Variants in GRK5 observed in about 807,000 individuals in gnomAD.
The protein encoded by GRK5 is g protein-coupled receptor kinase GRK5.
In GRK5, 40 loss-of-function variants were observed where a neutral mutation model predicts 78.4. The observed-to-expected ratio is 0.51, with a 90% CI of 0.40 to 0.66. The LOEUF is 0.66. Ranked by LOEUF, GRK5 falls within the 30% of genes least tolerant of loss-of-function variation. The pLI, the probability that GRK5 is intolerant of heterozygous loss-of-function variation, is 0.00. For missense variants in GRK5, 598 were observed against 759.9 expected, an observed-to-expected ratio of 0.79 and a Z score of 2.50; for synonymous variants, 289 against 296.8, an observed-to-expected ratio of 0.97 and a Z score of 0.27.
chr10:119,374,767 T>C (rs906746074), intron 2 of GRK5, among the ~76,000 whole-genome samples: 1 of 110,168 alleles, frequency 9.1e-6, no homozygotes, highest in Non-Finnish European at 1.9e-5. Context: ...GTTTGGGTCA[T>C]GAGGGCATTG....
At chr10:119,440,810 C>T (rs1853017415) in intron 10 of GRK5, among the ~76,000 whole-genome samples, 1 of 152,150 alleles carries the variant, frequency 6.6e-6, no homozygotes, top group Non-Finnish European at 1.5e-5. Context: ...CTTGGCCTCC[C>T]TATGTGCTGG....
intron 1 of GRK5, among the ~76,000 whole-genome samples, chr10:119,230,486 G>A (rs1406316141): frequency 1.3e-5 from 2 of 152,138 alleles, no homozygotes; most frequent in Non-Finnish European, 2.9e-5. Context: ...GGCAAAGAGA[G>A]AGCTTGTGCA....
chr10:119,329,012 G>A (rs756898280), intron 2 of GRK5, among the ~76,000 whole-genome samples: 2 of 152,210 alleles, frequency 1.3e-5, no homozygotes, highest in Non-Finnish European at 2.9e-5. Flanking sequence ...TCACCACTGC[G>A]TAGTTGGTGC....
chr10:119,250,643 C>A (rs576059612), intron 1 of GRK5, among the ~76,000 whole-genome samples: 1 of 152,004 alleles, frequency 6.6e-6, no homozygotes. Context: ...GCCACTGTGC[C>A]TGGCCCTACA....
intron 2 of GRK5, among the ~76,000 whole-genome samples, chr10:119,369,535 C>A (rs1851512081): frequency 6.6e-6 from 1 of 152,208 alleles, no homozygotes; most frequent in South Asian, 2.1e-4. Flanking sequence ...TCTTCCTGAT[C>A]TCAGTGATTT....
At chr10:119,337,707 C>T (rs1467557882) in intron 2 of GRK5, among the ~76,000 whole-genome samples, 2 of 152,114 alleles carry the variant, frequency 1.3e-5, no homozygotes, top group African/African-American at 4.8e-5. Flanking sequence ...GCAACCTCCA[C>T]CTCCCGGGTT....
intron 2 of GRK5, among the ~76,000 whole-genome samples, chr10:119,356,467 G>T (rs1313931480): frequency 6.6e-6 from 1 of 152,086 alleles, no homozygotes; most frequent in African/African-American, 2.4e-5. Flanking sequence ...TACCATGTTC[G>T]TGGCTCATGC....
rs575459168 is a variant in GRK5 at position 119,421,514 on chromosome 10, A to G, written c.340-1652A>G. On this transcript the variant is annotated intron_variant, in intron 4 of 15. Transcript: ENST00000392870. ...CTTGGCCTGGGGCTCCTCCCATGAC[A>G]TCGAGGATCTTTTCTGCAAAAGTTG... Among the ~76,000 whole-genome samples, 7 of 152,324 alleles carry G rather than the reference A, an allele frequency of 4.6e-5. No individual in the cohort carries two copies. In the East Asian group the frequency reaches 1.4e-3, roughly 29 times the overall value.
Position 119,360,774 on chromosome 10 carries a change from G to A in GRK5, c.149-20041G>A, listed in dbSNP as rs189803489. ...TCCTCCCTCCTCCTCTTCCACACCC[G>A]GCCCGGGGCCCTTTGCTCTGGGTCA... On this transcript the variant is annotated intron_variant, in intron 2 of 15. Coordinates refer to ENST00000392870, the MANE Select transcript of GRK5 (RefSeq NM_005308.3). 3.2e-4 allele frequency among the ~76,000 whole-genome samples: 48 copies of A among 152,264 alleles called. No homozygotes were observed. In the East Asian group the frequency reaches 3.5e-3, roughly 11 times the overall value.
chr10:119,412,973 C>A lies in GRK5; in HGVS notation c.340-10193C>A, dbSNP rs1227441445. 2.6e-5 allele frequency among the ~76,000 whole-genome samples: 4 copies of A among 152,314 alleles called. No individual in the cohort carries two copies. In the East Asian group the frequency reaches 7.7e-4, roughly 29 times the overall value. ...GGCCGTGTGAAGAGCACTTGGAGGC[C>A]TCCTGCTCACCTGGCCTAAGCCCCT... On this transcript the variant is annotated intron_variant, in intron 4 of 15. Transcript: ENST00000392870. This position sits in a 1 kb window ranked among gnomAD's most constrained non-coding sequence, Gnocchi z 4.3.
At chr10:119,437,896 G>C (rs1035537849) in intron 9 of GRK5, among the ~76,000 whole-genome samples, 48 of 152,166 alleles carry the variant, frequency 3.2e-4, no homozygotes, top group African/African-American at 1.2e-3. Context: ...TCAGTGGTTT[G>C]AGATCAGCCT....
intron 2 of GRK5, among the ~76,000 whole-genome samples, chr10:119,373,099 G>A (rs1851571414): frequency 6.6e-6 from 1 of 152,250 alleles, no homozygotes; most frequent in East Asian, 1.9e-4. Context: ...AAAGCAGTTG[G>A]CTGTTGTCAG....
At chr10:119,283,691 TGA>T (rs1849800342) in intron 1 of GRK5, among the ~76,000 whole-genome samples, 2 of 152,130 alleles carry the variant, frequency 1.3e-5, no homozygotes, top group African/African-American at 4.8e-5. Flanking sequence ...ATGGCTTCCC[TGA>T]GATCCCAGAG....
intron 1 of GRK5, among the ~76,000 whole-genome samples, chr10:119,272,006 C>T (rs897510243): frequency 4.6e-5 from 7 of 152,276 alleles, no homozygotes; most frequent in African/African-American, 1.7e-4. Flanking sequence ...AGCCTTCCTG[C>T]GGGCCCCCTT....
chr10:119,344,995 A>G (rs111700099), intron 2 of GRK5, among the ~76,000 whole-genome samples: 182 of 145,732 alleles, frequency 1.2e-3, no homozygotes, highest in African/African-American at 4.0e-3. Context: ...CTGAGATGGA[A>G]TCTCGCTCTG....
At chr10:119,309,615 C>T (rs898216539) in intron 1 of GRK5, among the ~76,000 whole-genome samples, 2 of 152,192 alleles carry the variant, frequency 1.3e-5, no homozygotes, top group Non-Finnish European at 2.9e-5. Flanking sequence ...CCCCATTTTA[C>T]GCTTGAACAA....
At chr10:119,329,588 G>A (rs927154105) in intron 2 of GRK5, among the ~76,000 whole-genome samples, 17 of 152,074 alleles carry the variant, frequency 1.1e-4, no homozygotes, top group Non-Finnish European at 2.4e-4. Context: ...AAATTAGCTG[G>A]GCGTGGTGGC....
chr10:119,344,753 GAGA>G (rs1335873866), intron 2 of GRK5, among the ~76,000 whole-genome samples: 1 of 152,202 alleles, frequency 6.6e-6, no homozygotes, highest in Non-Finnish European at 1.5e-5. Context: ...TTATGTTGGT[GAGA>G]AGTTCTCATA....
chr10:119,347,378 T>TGTGTGTTTGCGAGTGTGC (rs1851114216), intron 2 of GRK5, among the ~76,000 whole-genome samples: 1 of 152,112 alleles, frequency 6.6e-6, no homozygotes, highest in African/African-American at 2.4e-5. Flanking sequence ...TTTGTGCCCA[T>TGTGTGTTTGCGAGTGTGC]GTGTGTTTGC....
Sources: gnomAD v4.1 joint callset for allele counts (sites outside exome capture counted in the v4.1 genomes callset) on GRCh38, gnomAD v4.1.1 for gene constraint, Gnocchi (gnomAD v3.1) non-coding constraint, MANE v1.5 for transcripts, NCBI Gene and HGNC (gene_info 2026-07-23, HGNC 2026-07-21) for gene names.